Variants in TMPRSS7 observed in about 807,000 individuals in gnomAD.
TMPRSS7 encodes the protein transmembrane serine protease 7.
Under a neutral mutation model 95.6 loss-of-function variants are expected in TMPRSS7, and 81 were observed. That is an observed-to-expected ratio of 0.85 (90% CI 0.71 to 1.02). The LOEUF (loss-of-function observed/expected upper bound fraction) is 1.02. Ranked by LOEUF, TMPRSS7 falls within the 50% of genes least tolerant of loss-of-function variation. The pLI is 0.00. For synonymous variants in TMPRSS7, 364 were observed against 337.8 expected, an observed-to-expected ratio of 1.08 and a Z score of -0.85; for missense variants, 945 against 955.2, an observed-to-expected ratio of 0.99 and a Z score of 0.14.
intron 7 of TMPRSS7, among the ~76,000 whole-genome samples, chr3:112,048,933 T>C (rs747134991): frequency 1.9e-4 from 29 of 152,186 alleles, no homozygotes; most frequent in Non-Finnish European, 3.7e-4. Context: ...CAATTAGTGC[T>C]GACTTCCTAA....
exon 15 of TMPRSS7, chr3:112,075,374 C>G (rs1042228755): frequency 6.6e-7 from 1 of 1,512,988 alleles, no homozygotes; most frequent in African/African-American, 1.4e-5. Context: ...CACAGACACC[C>G]TGGAGGGGGG....
At chr3:112,068,353 C>A (rs2073601360) in intron 13 of TMPRSS7, among the ~76,000 whole-genome samples, 1 of 152,180 alleles carries the variant, frequency 6.6e-6, no homozygotes, top group Non-Finnish European at 1.5e-5. Context: ...TTTTCCAGTT[C>A]TGCGAAGAAA....
intron 7 of TMPRSS7, among the ~76,000 whole-genome samples, chr3:112,049,255 G>A (rs1327137332): frequency 6.6e-6 from 1 of 152,024 alleles, no homozygotes; most frequent in Non-Finnish European, 1.5e-5. Flanking sequence ...TTTGTAACTG[G>A]GCCCTTGAGC....
At chr3:112,072,133 T>C (rs1441053222) in intron 13 of TMPRSS7, among the ~76,000 whole-genome samples, 1 of 152,192 alleles carries the variant, frequency 6.6e-6, no homozygotes, top group Admixed American at 6.5e-5. Flanking sequence ...GGGGTTTTGG[T>C]GTAGATGTCC....
exon 9 of TMPRSS7, chr3:112,050,699 C>T (rs2073336337): frequency 1.2e-6 from 2 of 1,604,826 alleles, no homozygotes; most frequent in Non-Finnish European, 1.7e-6. Context: ...TGGTCAAAGA[C>T]ATCACTGGCT....
At chr3:112,054,366 T>C (rs1191924034) in intron 9 of TMPRSS7, among the ~76,000 whole-genome samples, 2 of 152,184 alleles carry the variant, frequency 1.3e-5, no homozygotes, top group East Asian at 1.9e-4. Context: ...CATATAATAG[T>C]GGACTTATTT....
intron 13 of TMPRSS7, among the ~76,000 whole-genome samples, chr3:112,072,761 G>C (rs993836230): frequency 3.9e-5 from 6 of 152,266 alleles, no homozygotes; most frequent in African/African-American, 1.4e-4. Context: ...CTCTGTGGAC[G>C]TGGGACCTGC....
At chr3:112,039,283 G>C (rs139191471) in intron 2 of TMPRSS7, among the ~76,000 whole-genome samples, 80 of 152,290 alleles carry the variant, frequency 5.3e-4, no homozygotes, top group African/African-American at 1.7e-3. Context: ...TAGTTATTCT[G>C]TGCCCTAGAT....
At chr3:112,068,809 T>A (rs1305431828) in intron 13 of TMPRSS7, among the ~76,000 whole-genome samples, 1 of 152,176 alleles carries the variant, frequency 6.6e-6, no homozygotes, top group East Asian at 1.9e-4. Context: ...TCGAATACCC[T>A]TTACTTCTTT....
chr3:112,038,129 C>A (rs1392289097), exon 2 of TMPRSS7: 1 of 702,756 alleles, frequency 1.4e-6, no homozygotes, highest in Non-Finnish European at 2.6e-6. Flanking sequence ...AGTGAGACGA[C>A]CACCGTTGCC....
At chr3:112,058,008 G>A (rs891144284) in intron 10 of TMPRSS7, among the ~76,000 whole-genome samples, 1 of 152,216 alleles carries the variant, frequency 6.6e-6, no homozygotes, top group Non-Finnish European at 1.5e-5. Flanking sequence ...TTACAGGCAT[G>A]AGCCACCACA....
At chr3:112,068,411 C>A (rs890152239) in intron 13 of TMPRSS7, among the ~76,000 whole-genome samples, 1 of 152,134 alleles carries the variant, frequency 6.6e-6, no homozygotes, top group Non-Finnish European at 1.5e-5. Context: ...AAATTAGCTT[C>A]GGCAGTATGG....
At chr3:112,038,121 T>TGAGACGACCACCGTTGCCAGG in exon 2 of TMPRSS7, 1 of 702,042 alleles carries the variant, frequency 1.4e-6, no homozygotes, top group Non-Finnish European at 2.6e-6. Context: ...AAGCTGCCAG[T>TGAGACGACCACCGTTGCCAGG]GAGACGACCA....
chr3:112,057,094 G>C lies in TMPRSS7; in HGVS notation c.1273G>C (p.Gly425Arg), dbSNP rs948337925. The change falls in exon 10 of 18, where the codon GGC becomes CGC. Residue 425 changes from glycine to arginine, a missense_variant. Physicochemically the swap from Gly to Arg is moderately radical, Grantham distance 125. Transcript: ENST00000452346. ...TTCAATAACCAAGAAGAGTATGAAA[G>C]GCTGTGAGCATGGATGGTGGGAAAT... 6.2e-7 allele frequency: 1 copy of C among 1,613,180 alleles called. No individual in the cohort carries two copies. Among genetic ancestry groups the C allele is most frequent in the Non-Finnish European group, 8.5e-7 (1 of 1,179,484 alleles).
At chr3:112,043,540 C>G (rs1270291481) in intron 3 of TMPRSS7, among the ~76,000 whole-genome samples, 1 of 152,054 alleles carries the variant, frequency 6.6e-6, no homozygotes, top group Non-Finnish European at 1.5e-5. Context: ...TATATTGTTT[C>G]CACTACACTT....
rs762621262 is a variant in TMPRSS7 at position 112,051,268 on chromosome 3, CAATAT to C, written c.1203+488_1203+492del. On this transcript the variant is annotated intron_variant, in intron 9 of 17. Transcript: ENST00000452346. ...ACAATAACACAAATAAAAAACAATA[CAATAT>C]AACAACTATTTATATAGAATATAAT... is the stretch of plus-strand genomic sequence containing the variant. Among the ~76,000 whole-genome samples, 40 of 151,976 alleles carry C rather than the reference CAATAT, an allele frequency of 2.6e-4. No individual in the cohort carries two copies. The East Asian group carries it at 5.8e-3, about 22-fold the overall frequency.
At chr3:112,057,603 C>A (rs1017367077) in intron 10 of TMPRSS7, among the ~76,000 whole-genome samples, 6 of 152,298 alleles carry the variant, frequency 3.9e-5, no homozygotes, top group East Asian at 1.9e-4. Context: ...GCTGTAGAAC[C>A]AATGTACTAG....
intron 13 of TMPRSS7, among the ~76,000 whole-genome samples, chr3:112,069,003 A>C (rs148247629): frequency 0.022 from 3,358 of 152,296 alleles, 55 homozygotes; most frequent in Middle Eastern, 0.075. Flanking sequence ...TTCCATCAAT[A>C]CCTAGTTCAT....
intron 16 of TMPRSS7, among the ~76,000 whole-genome samples, chr3:112,078,024 C>A (rs1470283886): frequency 6.6e-6 from 1 of 152,140 alleles, no homozygotes; most frequent in Non-Finnish European, 1.5e-5. Context: ...AAAGTGTGGG[C>A]AACTTCTCAA....
Sources: gnomAD v4.1 joint callset for allele counts (sites outside exome capture counted in the v4.1 genomes callset) on GRCh38, gnomAD v4.1.1 for gene constraint, MANE v1.5 for transcripts, NCBI Gene and HGNC (gene_info 2026-07-23, HGNC 2026-07-21) for gene names.